Variants in DLGAP2 observed in about 807,000 individuals in gnomAD.
DLGAP2 encodes the protein DLG associated protein 2, also known as disks large-associated protein 2.
In DLGAP2, 26 loss-of-function variants were observed where a neutral mutation model predicts 100.3. That is an observed-to-expected ratio of 0.26 (90% CI 0.19 to 0.36). DLGAP2 has a LOEUF of 0.36. Ranked by LOEUF, DLGAP2 falls within the 10% of genes least tolerant of loss-of-function variation. The pLI is 1.00. For missense variants in DLGAP2, 1,858 were observed against 1,453.2 expected, an observed-to-expected ratio of 1.28 and a Z score of -4.53; for synonymous variants, 886 against 630.1, an observed-to-expected ratio of 1.41 and a Z score of -6.08.
At chr8:968,062 A>T (rs543175780) in intron 2 of DLGAP2, among the ~76,000 whole-genome samples, 13 of 151,402 alleles carry the variant, frequency 8.6e-5, no homozygotes, top group Non-Finnish European at 1.6e-4. Context: ...ACACATTGTT[A>T]TTCACCTGTC....
chr8:1,498,076 G>A (rs375159698), intron 3 of DLGAP2, among the ~76,000 whole-genome samples: 1 of 152,166 alleles, frequency 6.6e-6, no homozygotes, highest in East Asian at 1.9e-4. Context: ...CTGGAAGTGA[G>A]GCCTCCCAAG....
chr8:1,520,610 T>G (rs1202348639), intron 4 of DLGAP2, among the ~76,000 whole-genome samples: 3 of 152,120 alleles, frequency 2.0e-5, no homozygotes, highest in Non-Finnish European at 4.4e-5. Context: ...CCCCAACCCC[T>G]GGCAAACACT....
Position 1,282,751 on chromosome 8 carries a change from T to C in DLGAP2, c.106+23868T>C, listed in dbSNP as rs1314752512. ...TGAACCATCTGGACGTGGTGTGACC[T>C]GAATCCAGCCCCCTGAACCATACGG... On this transcript the variant is annotated intron_variant, in intron 3 of 14. Coordinates refer to ENST00000637795, the MANE Select transcript of DLGAP2 (RefSeq NM_001346810.2). Among the ~76,000 whole-genome samples the C allele has an allele frequency of 4.7e-4, 58 of 124,694 alleles. 2 individuals carry two copies. The highest frequency in any genetic ancestry group is 1.5e-3 in the African/African-American group (51 of 33,542). The allele number at this position is 124,694 out of a possible 152,430, so 81.8% of individuals were successfully genotyped here.
chr8:1,589,251 G>C (rs1474983797), intron 6 of DLGAP2, among the ~76,000 whole-genome samples: 1 of 152,150 alleles, frequency 6.6e-6, no homozygotes, highest in East Asian at 1.9e-4. Flanking sequence ...CAACCTATAA[G>C]TACAGTTTTT....
rs181588857 is a variant in DLGAP2, at chr8:824,732, C to T, written c.19-83180C>T. Among the ~76,000 whole-genome samples, 687 of 152,220 alleles carry T rather than the reference C, an allele frequency of 4.5e-3. 1 individual carries two copies. Among genetic ancestry groups the T allele is most frequent in the Non-Finnish European group, 7.4e-3 (500 of 68,022 alleles). ...TGGTAGTGCTAGCGATTCAGAGGACCCAGGATCCAGACATGCTGCCCTCAT... is the reference window on the plus strand; with the variant it reads ...TGGTAGTGCTAGCGATTCAGAGGACTCAGGATCCAGACATGCTGCCCTCAT... On this transcript the variant is annotated intron_variant, in intron 1 of 14. Transcript: ENST00000637795.
chr8:1,009,542 A>T (rs1304689361), intron 2 of DLGAP2, among the ~76,000 whole-genome samples: 1 of 152,222 alleles, frequency 6.6e-6, no homozygotes, highest in Non-Finnish European at 1.5e-5. Flanking sequence ...TTAGCTTTAC[A>T]CGTGGGAATT....
At chr8:778,530 G>T (rs1055116237) in intron 1 of DLGAP2, among the ~76,000 whole-genome samples, 2 of 152,176 alleles carry the variant, frequency 1.3e-5, no homozygotes, top group African/African-American at 4.8e-5. Flanking sequence ...TTTCAGTGTG[G>T]ATGTCCTTTC....
chr8:1,454,016 A>G (rs1176356548), intron 3 of DLGAP2, among the ~76,000 whole-genome samples: 1 of 152,218 alleles, frequency 6.6e-6, no homozygotes, highest in Non-Finnish European at 1.5e-5. Flanking sequence ...AGGCAGTGGG[A>G]TCCGCTGAAA....
chr8:1,174,257 C>CCCATCACCA (rs1041628968), intron 2 of DLGAP2, among the ~76,000 whole-genome samples: 1 of 152,022 alleles, frequency 6.6e-6, no homozygotes. Context: ...TACCCACATA[C>CCCATCACCA]CCATCACCAC....
At chr8:1,245,004 C>G (rs929971219) in intron 2 of DLGAP2, among the ~76,000 whole-genome samples, 3 of 152,220 alleles carry the variant, frequency 2.0e-5, no homozygotes, top group African/African-American at 7.2e-5. Context: ...CACTGGACAT[C>G]TTTGACCAGC....
chr8:1,539,231 C>T (rs889300924), intron 4 of DLGAP2, among the ~76,000 whole-genome samples: 1 of 152,172 alleles, frequency 6.6e-6, no homozygotes, highest in African/African-American at 2.4e-5. Flanking sequence ...ACAGCATGTC[C>T]ACCAACAGAC....
At chr8:1,093,988 T>TCGAGGGCAGCTTCGCGGTGGGTGGAG (rs1804281848) in intron 2 of DLGAP2, among the ~76,000 whole-genome samples, 1 of 151,258 alleles carries the variant, frequency 6.6e-6, no homozygotes, top group African/African-American at 2.4e-5. Flanking sequence ...CGCTCGTGGA[T>TCGAGGGCAGCTTCGCGGTGGGTGGAG]GGAGGGCAGC....
At chr8:1,539,668 T>C (rs1247543592) in intron 4 of DLGAP2, among the ~76,000 whole-genome samples, 3 of 151,244 alleles carry the variant, frequency 2.0e-5, no homozygotes, top group Non-Finnish European at 4.4e-5. Flanking sequence ...GGCCACCTTC[T>C]CCCTCTCCAG....
At chr8:853,156 G>C (rs1238222661) in intron 1 of DLGAP2, among the ~76,000 whole-genome samples, 23 of 152,228 alleles carry the variant, frequency 1.5e-4, no homozygotes, top group Admixed American at 1.5e-3. Context: ...GTGATTCACT[G>C]GGAGCACTCC....
In DLGAP2 at chr8:886,564, C is replaced by T. The variant is rs112758277; in HGVS notation, c.19-21348C>T. Among the ~76,000 whole-genome samples, 129 of 152,210 alleles carry T rather than the reference C, an allele frequency of 8.5e-4. 1 individual carries two copies. The highest frequency in any genetic ancestry group is 2.9e-3 in the African/African-American group (120 of 41,530). ...TAGCTGTGTCTCAGAGATTCTGATA[C>T]GTTGTCTCTTTGTTCTCATTAGTTT... On this transcript the variant is annotated intron_variant, in intron 1 of 14. Transcript: ENST00000637795.
At position 1,049,473 on chromosome 8, in the gene DLGAP2, CA is replaced by C. The variant is rs1394083780; in HGVS notation, c.73+141509del. 3.1e-4 allele frequency among the ~76,000 whole-genome samples: 47 copies of C among 152,178 alleles called. 1 individual carries two copies. In the East Asian group the frequency reaches 8.9e-3, roughly 29 times the overall value. On this transcript the variant is annotated intron_variant, in intron 2 of 14. Coordinates refer to ENST00000637795, the MANE Select transcript of DLGAP2 (RefSeq NM_001346810.2). ...CCCTGCTTAACGTCACACGGGAATA[CA>C]ATTTACCCTTTTATCCTTTATTTGT...
At chr8:1,377,225 G>A (rs1041919238) in intron 3 of DLGAP2, among the ~76,000 whole-genome samples, 1 of 152,232 alleles carries the variant, frequency 6.6e-6, no homozygotes, top group African/African-American at 2.4e-5. Flanking sequence ...AGGTGTTTGG[G>A]GCCAGCCAGG....
At chr8:1,194,177 A>G (rs75269087) in intron 2 of DLGAP2, among the ~76,000 whole-genome samples, 3,653 of 152,186 alleles carry the variant, frequency 0.024, 168 homozygotes, top group African/African-American at 0.085. Flanking sequence ...ATTTTAAAGA[A>G]GAAACTGCCG....
At chr8:935,343 C>G (rs1799047159) in intron 2 of DLGAP2, among the ~76,000 whole-genome samples, 1 of 152,208 alleles carries the variant, frequency 6.6e-6, no homozygotes, top group Non-Finnish European at 1.5e-5. Flanking sequence ...GGATGCCCGG[C>G]TCCTCAGTCC....
Sources: gnomAD v4.1 joint callset for allele counts (sites outside exome capture counted in the v4.1 genomes callset) on GRCh38, gnomAD v4.1.1 for gene constraint, MANE v1.5 for transcripts, NCBI Gene and HGNC (gene_info 2026-07-23, HGNC 2026-07-21) for gene names.